INSR: variants seen among roughly 807,000 people sequenced by gnomAD.
The protein encoded by INSR is insulin receptor, also known as IR.
A neutral mutation model predicts 142.6 loss-of-function variants in INSR; 67 were observed. The observed-to-expected ratio is 0.47, with a 90% CI of 0.39 to 0.58. The LOEUF is 0.58. Among genes scored for constraint, INSR ranks in the 20% least tolerant of loss-of-function variants. The pLI is 0.00. For synonymous variants in INSR, 756 were observed against 743.1 expected, an observed-to-expected ratio of 1.02 and a Z score of -0.28; for missense variants, 1,248 against 1,833.2, an observed-to-expected ratio of 0.68 and a Z score of 5.83.
intron 4 of INSR, among the ~76,000 whole-genome samples, chr19:7,174,382 A>G (rs554422111): frequency 6.6e-6 from 1 of 152,244 alleles, no homozygotes; most frequent in African/African-American, 2.4e-5. Flanking sequence ...CAAGGTTAGT[A>G]AGGCCAAGAC....
Position 7,216,430 on chromosome 19 carries a change from G to A in INSR, c.653-31793C>T, listed in dbSNP as rs1975434959. ...GATGTTATGCGGTACAAATGAGACG[G>A]CCCCTGAACTCCCACTGTGTACCAG... On this transcript the variant is annotated intron_variant, in intron 2 of 21. Transcript: ENST00000302850. This position sits in a 1 kb window ranked among gnomAD's most constrained non-coding sequence, Gnocchi z 4.2. Among the ~76,000 whole-genome samples the A allele has an allele frequency of 6.6e-6, 1 of 152,188 alleles. No homozygotes were observed. The highest frequency in any genetic ancestry group is 2.4e-5 in the African/African-American group (1 of 41,452).
intron 1 of INSR, among the ~76,000 whole-genome samples, chr19:7,275,791 A>G (rs140260047): frequency 0.01 from 1,570 of 152,098 alleles, 36 homozygotes; most frequent in African/African-American, 0.036. Context: ...CATCTCAAAA[A>G]AAAAAAAAAA....
At chr19:7,161,257 A>G (rs1402632726) in intron 9 of INSR, among the ~76,000 whole-genome samples, 1 of 150,296 alleles carries the variant, frequency 6.7e-6, no homozygotes, top group Non-Finnish European at 1.5e-5. Context: ...TTAATTTTGT[A>G]TAATTTTTTT....
chr19:7,129,894 T>C (rs1972735262), intron 14 of INSR, among the ~76,000 whole-genome samples: 1 of 152,014 alleles, frequency 6.6e-6, no homozygotes, highest in African/African-American at 2.4e-5. Flanking sequence ...TGCACCACCA[T>C]AGCTGGCTAA....
chr19:7,248,433 G>T (rs1976599716), intron 2 of INSR, among the ~76,000 whole-genome samples: 1 of 137,324 alleles, frequency 7.3e-6, no homozygotes, highest in Non-Finnish European at 1.5e-5. Flanking sequence ...CTTCAGTGAG[G>T]TGTGATTACA....
intron 3 of INSR, among the ~76,000 whole-genome samples, chr19:7,177,887 A>C (rs1000643285): frequency 6.6e-6 from 1 of 151,862 alleles, no homozygotes; most frequent in Non-Finnish European, 1.5e-5. Context: ...GCATGAAACC[A>C]CAAGATTCCC....
At chr19:7,228,914 A>G (rs182624073) in intron 2 of INSR, among the ~76,000 whole-genome samples, 5 of 151,856 alleles carry the variant, frequency 3.3e-5, no homozygotes. Context: ...GGATGAGAAG[A>G]TTGCTGGGTG....
At chr19:7,254,028 C>CAAAAAAA (rs59085878) in intron 2 of INSR, among the ~76,000 whole-genome samples, 6 of 125,168 alleles carry the variant, frequency 4.8e-5, no homozygotes, top group African/African-American at 1.8e-4. Flanking sequence ...AACTCCATCT[C>CAAAAAAA]AAAAAAAAAA....
chr19:7,156,608 C>G (rs1245030116), intron 9 of INSR, among the ~76,000 whole-genome samples: 9 of 151,714 alleles, frequency 5.9e-5, no homozygotes, highest in African/African-American at 1.7e-4. Context: ...CAACGCCAGA[C>G]AGAAAAAACA....
intron 2 of INSR, among the ~76,000 whole-genome samples, chr19:7,233,630 C>T (rs1428758142): frequency 1.3e-5 from 2 of 151,744 alleles, no homozygotes; most frequent in African/African-American, 4.8e-5. Context: ...CTGGGTCACC[C>T]AGGAAAGCTA....
Position 7,267,010 on chromosome 19 carries a change from TCGAGCAAAATC to T in INSR, c.652+324_652+334del, listed in dbSNP as rs1230045716. 6.6e-6 allele frequency among the ~76,000 whole-genome samples: 1 copy of T among 152,094 alleles called. No homozygotes were observed. The highest frequency in any genetic ancestry group is 1.5e-5 in the Non-Finnish European group (1 of 68,000). On this transcript the variant is annotated intron_variant, in intron 2 of 21. Coordinates refer to ENST00000302850, the MANE Select transcript of INSR (RefSeq NM_000208.4). This position sits in a 1 kb window ranked among gnomAD's most constrained non-coding sequence, Gnocchi z 6.3. ...CACAGGCGGTGGCAAACTGCTGCCC[TCGAGCAAAATC>T]CGGCCCACGACTTGTTTTTGTAAAT... is the stretch of plus-strand genomic sequence containing the variant.
intron 17 of INSR, among the ~76,000 whole-genome samples, chr19:7,123,573 AC>A: frequency 6.6e-6 from 1 of 151,856 alleles, no homozygotes; most frequent in Non-Finnish European, 1.5e-5. Context: ...CCCCTGTCCA[AC>A]CCTCCTTTCC....
At chr19:7,289,055 C>G (rs138956962) in intron 1 of INSR, among the ~76,000 whole-genome samples, 315 of 151,280 alleles carry the variant, frequency 2.1e-3, no homozygotes, top group East Asian at 0.013. Flanking sequence ...GAGAAGAGAA[C>G]AGTAAAACAG....
chr19:7,117,508 C>T, intron 21 of INSR, 98 bp from the exon 22 acceptor site: 2 of 780,046 alleles, frequency 2.6e-6, no homozygotes, highest in South Asian at 3.3e-5. Context: ...ACCCACGGAC[C>T]ACATGTGCTC....
intron 2 of INSR, among the ~76,000 whole-genome samples, chr19:7,255,578 TTTTG>T (rs1280379309): frequency 2.0e-5 from 3 of 149,808 alleles, no homozygotes; most frequent in East Asian, 1.9e-4. Context: ...TTCCTTCTGT[TTTTG>T]TTTGTTTGTT....
chr19:7,292,645 T>A (rs898749999), intron 1 of INSR, among the ~76,000 whole-genome samples: 1 of 152,140 alleles, frequency 6.6e-6, no homozygotes, highest in Non-Finnish European at 1.5e-5. Context: ...CTGATTTCCT[T>A]TTATGGAGAA....
intron 13 of INSR, among the ~76,000 whole-genome samples, chr19:7,137,986 T>C (rs548453016): frequency 5.5e-5 from 8 of 146,240 alleles, no homozygotes; most frequent in Non-Finnish European, 9.0e-5. Context: ...TTTTTTGAGA[T>C]GGAGTCTCAC....
rs1475471203 is a variant in INSR, at chr19:7,159,541, AAAGG to A, written c.2029+3487_2029+3490del. 2 of 151,984 alleles carry A rather than the reference AAAGG, an allele frequency of 1.3e-5. No individual in the cohort carries two copies. Among genetic ancestry groups the A allele is most frequent in the Non-Finnish European group, 2.9e-5 (2 of 68,026 alleles). 9.4% of individuals were successfully genotyped at this position (151,984 alleles called of 1,614,324 possible). On this transcript the variant is annotated intron_variant, in intron 9 of 21. Coordinates refer to ENST00000302850, the MANE Select transcript of INSR (RefSeq NM_000208.4). The surrounding 1 kb of genome is among the most constrained non-coding windows in gnomAD (Gnocchi z 4.3). Reference sequence around the variant, plus strand: ...AGACTTTCGGAATTAAAAAAAAAAAAAAGGAAGCTTCGAGTGACATTACTGGTGG... The same window carrying A: ...AGACTTTCGGAATTAAAAAAAAAAAAAAGCTTCGAGTGACATTACTGGTGG...
Position 7,126,663 on chromosome 19 carries a change from A to G in INSR, c.2946-12T>C, listed in dbSNP as rs925486332. On this transcript the variant is annotated splice_polypyrimidine_tract_variant and intron_variant, in intron 15 of 21. Transcript: ENST00000302850. ...GCCCATCTGGCTGCCTGGAGGAGGA[A>G]AACGAGGCACGTTAGCTTGAGATTC... is the stretch of plus-strand genomic sequence containing the variant. 3 of 1,561,028 alleles carry G rather than the reference A, an allele frequency of 1.9e-6. No individual in the cohort carries two copies. The highest frequency in any genetic ancestry group is 2.6e-6 in the Non-Finnish European group (3 of 1,151,266).
Sources: gnomAD v4.1 joint callset for allele counts (sites outside exome capture counted in the v4.1 genomes callset) on GRCh38, gnomAD v4.1.1 for gene constraint, Gnocchi (gnomAD v3.1) non-coding constraint, MANE v1.5 for transcripts, NCBI Gene and HGNC (gene_info 2026-07-23, HGNC 2026-07-21) for gene names.